PRKN: variants seen among roughly 807,000 people sequenced by gnomAD.
The protein encoded by PRKN is E3 ubiquitin-protein ligase parkin.
PRKN carries 56 observed loss-of-function variants against 59.5 expected under a neutral mutation model. The ratio of observed to expected loss-of-function variants is 0.94; its 90% CI spans 0.76 to 1.18. The LOEUF is 1.18. PRKN is among the 50% of genes most tolerant of loss of function. PRKN has a pLI of 0.00. For synonymous variants in PRKN, 250 were observed against 222.1 expected (o/e 1.13, Z -1.12); for missense variants, 657 against 596.4 (o/e 1.10, Z -1.06).
In PRKN at chr6:161,878,755, C is replaced by T. The variant is rs9456720; in HGVS notation, c.735-92847G>A. Among the ~76,000 whole-genome samples, 757 of 152,238 alleles carry T rather than the reference C, an allele frequency of 5.0e-3. 9 individuals carry two copies. Among genetic ancestry groups the T allele is most frequent in the African/African-American group, 0.018 (731 of 41,538 alleles). On this transcript the variant is annotated intron_variant, in intron 6 of 11. Transcript: ENST00000366898. ...AAAGCATGACTATACTATATTTGTCCATCTTACTACTGATGAACATATTTG... is the reference window on the plus strand; with the variant it reads ...AAAGCATGACTATACTATATTTGTCTATCTTACTACTGATGAACATATTTG...
At position 161,497,461 on chromosome 6, in the gene PRKN, GAC is replaced by G. The variant is rs1777794581; in HGVS notation, c.1083+51391_1083+51392del. Among the ~76,000 whole-genome samples, 1 of 152,136 alleles carries G rather than the reference GAC, an allele frequency of 6.6e-6. No individual in the cohort carries two copies. Among genetic ancestry groups the G allele is most frequent in the African/African-American group, 2.4e-5 (1 of 41,438 alleles). On this transcript the variant is annotated intron_variant, in intron 9 of 11. Transcript: ENST00000366898. The surrounding 1 kb of genome is among the most constrained non-coding windows in gnomAD (Gnocchi z 4.6). ...TGGGAATAAATTAGGAGAGATAAGA[GAC>G]AGATATTACTCCTTTTTAAAACTCT...
At chr6:161,513,228 A>T (rs76203566) in intron 9 of PRKN, among the ~76,000 whole-genome samples, 13,493 of 152,088 alleles carry the variant, frequency 0.089, 697 homozygotes, top group African/African-American at 0.15. Flanking sequence ...TTAAAGATAC[A>T]TGTTTTGTTT....
chr6:162,318,144 A>G (rs1192174142), intron 2 of PRKN, among the ~76,000 whole-genome samples: 2 of 152,082 alleles, frequency 1.3e-5, no homozygotes, highest in African/African-American at 4.8e-5. Flanking sequence ...CTACTTGAGT[A>G]TCTCATAAAA....
intron 1 of PRKN, chr6:162,568,438 C>T: frequency 1.7e-6 from 1 of 605,488 alleles, no homozygotes; most frequent in Non-Finnish European, 3.0e-6. Flanking sequence ...GCAGCAGCAG[C>T]TTCCGGGGGT....
chr6:161,516,602 TG>T (rs1173841850), intron 9 of PRKN, among the ~76,000 whole-genome samples: 2 of 148,464 alleles, frequency 1.3e-5, no homozygotes, highest in Non-Finnish European at 3.0e-5. Flanking sequence ...CCGAGACTGG[TG>T]GATCACCTGA....
chr6:162,485,807 A>C (rs907742421), intron 1 of PRKN, among the ~76,000 whole-genome samples: 2 of 152,198 alleles, frequency 1.3e-5, no homozygotes, highest in African/African-American at 4.8e-5. Context: ...ATTTGAGGGA[A>C]CCACAGTCAC....
In PRKN at chr6:161,473,150, T is replaced by C. The variant is rs368623252; in HGVS notation, c.1083+75704A>G. Among the ~76,000 whole-genome samples the C allele has an allele frequency of 2.6e-5, 4 of 152,134 alleles. No homozygotes were observed. Among genetic ancestry groups the C allele is most frequent in the South Asian group, 4.1e-4 (2 of 4,824 alleles). On this transcript the variant is annotated intron_variant, in intron 9 of 11. Coordinates refer to ENST00000366898, the MANE Select transcript of PRKN (RefSeq NM_004562.3). This position sits in a 1 kb window ranked among gnomAD's most constrained non-coding sequence, Gnocchi z 4.1. ...ATGATCCAGCAATCTCTCTGCTGAG[T>C]ATATACTCAAAAGAAGTAAAATTAG...
At chr6:161,798,176 G>T (rs1790930882) in intron 6 of PRKN, among the ~76,000 whole-genome samples, 1 of 152,176 alleles carries the variant, frequency 6.6e-6, no homozygotes, top group Non-Finnish European at 1.5e-5. Flanking sequence ...ACTCCAGCCT[G>T]GGTGACAGAG....
chr6:162,592,843 T>A (rs535471740), intron 1 of PRKN, among the ~76,000 whole-genome samples: 1 of 132,280 alleles, frequency 7.6e-6, no homozygotes, highest in Non-Finnish European at 1.8e-5. Context: ...AAAAAAATAA[T>A]GTGTGGTGTA....
At chr6:161,821,566 A>C (rs1792024634) in intron 6 of PRKN, among the ~76,000 whole-genome samples, 1 of 152,142 alleles carries the variant, frequency 6.6e-6, no homozygotes, top group Admixed American at 6.5e-5. Context: ...AAGTGATCAC[A>C]CATTCATTTT....
At chr6:162,570,921 A>G (rs1780296241) in intron 1 of PRKN, among the ~76,000 whole-genome samples, 1 of 152,240 alleles carries the variant, frequency 6.6e-6, no homozygotes, top group Non-Finnish European at 1.5e-5. Context: ...GTATTTTAAA[A>G]TAACTTAAAG....
chr6:162,450,693 C>T (rs961582356), intron 1 of PRKN, among the ~76,000 whole-genome samples: 1 of 152,112 alleles, frequency 6.6e-6, no homozygotes, highest in African/African-American at 2.4e-5. Flanking sequence ...AACACCTGGC[C>T]AGCACTGCGC....
intron 1 of PRKN, among the ~76,000 whole-genome samples, chr6:162,495,941 A>T (rs770711595): frequency 6.6e-6 from 1 of 152,060 alleles, no homozygotes; most frequent in Admixed American, 6.6e-5. Context: ...TCACTATACT[A>T]TCTTTCACTA....
chr6:161,874,308 T>TTATATATAAAATATATATTACATGTAAAA (rs1163575658), intron 6 of PRKN, among the ~76,000 whole-genome samples: 2 of 72,670 alleles, frequency 2.8e-5, no homozygotes, highest in African/African-American at 1.3e-4. Context: ...ATGTAAAATA[T>TTATATATAAAATATATATTACATGTAAAA]TATATATAAA....
chr6:162,393,039 A>T (rs1217603009), intron 2 of PRKN, among the ~76,000 whole-genome samples: 1 of 151,710 alleles, frequency 6.6e-6, no homozygotes, highest in African/African-American at 2.4e-5. Flanking sequence ...ATCTCACATT[A>T]GTCCTCCTTT....
intron 1 of PRKN, among the ~76,000 whole-genome samples, chr6:162,529,251 G>GAATGAATGTATAAAAATACTTC (rs1478740763): frequency 7.1e-6 from 1 of 140,300 alleles, no homozygotes; most frequent in Admixed American, 7.2e-5. Flanking sequence ...TAGTAGTTGG[G>GAATGAATGTATAAAAATACTTC]AATGAATGTA....
At chr6:162,663,340 T>C (rs1165198786) in intron 1 of PRKN, among the ~76,000 whole-genome samples, 1 of 151,572 alleles carries the variant, frequency 6.6e-6, no homozygotes, top group East Asian at 1.9e-4. Flanking sequence ...GGTGATAACC[T>C]GACCACTGTA....
intron 1 of PRKN, among the ~76,000 whole-genome samples, chr6:162,523,341 G>A (rs186534680): frequency 6.7e-4 from 102 of 152,234 alleles, no homozygotes; most frequent in African/African-American, 2.0e-3. Context: ...ATGGAAAGTA[G>A]AAATAGTATA....
chr6:162,248,401 T>C (rs1471740981), intron 3 of PRKN, among the ~76,000 whole-genome samples: 1 of 152,196 alleles, frequency 6.6e-6, no homozygotes, highest in Non-Finnish European at 1.5e-5. Context: ...TAGTAATTAA[T>C]CCAGCCTTTT....
Sources: gnomAD v4.1 joint callset for allele counts (sites outside exome capture counted in the v4.1 genomes callset) on GRCh38, gnomAD v4.1.1 for gene constraint, Gnocchi (gnomAD v3.1) non-coding constraint, MANE v1.5 for transcripts, NCBI Gene and HGNC (gene_info 2026-07-23, HGNC 2026-07-21) for gene names.